The following MAGI2 variants were observed in gnomAD, a reference collection of about 807,000 sequenced individuals.
MAGI2 encodes the protein membrane-associated guanylate kinase, WW and PDZ domain-containing protein 2.
A neutral mutation model predicts 133.3 loss-of-function variants in MAGI2; 35 were observed. That is an observed-to-expected ratio of 0.26 (90% CI 0.20 to 0.35). MAGI2 has a LOEUF of 0.35. Among genes scored for constraint, MAGI2 ranks in the 10% least tolerant of loss-of-function variants. The pLI is 1.00. For synonymous variants in MAGI2, 729 were observed against 710.6 expected (o/e 1.03, Z -0.41); for missense variants, 1,636 against 1,863.4 (o/e 0.88, Z 2.25).
intron 3 of MAGI2, among the ~76,000 whole-genome samples, chr7:78,573,321 A>AATATATATATATAAAT (rs1233957871): frequency 1.9e-5 from 1 of 51,428 alleles, no homozygotes; most frequent in Non-Finnish European, 3.2e-5. Context: ...TAAATATATA[A>AATATATATATATAAAT]ATATATATAT....
chr7:78,804,058 T>G (rs1343547581), intron 2 of MAGI2, among the ~76,000 whole-genome samples: 1 of 152,244 alleles, frequency 6.6e-6, no homozygotes, highest in Non-Finnish European at 1.5e-5. Context: ...ATTGCATTTC[T>G]CACTGCATTC....
intron 2 of MAGI2, among the ~76,000 whole-genome samples, chr7:78,781,549 T>C (rs545528341): frequency 6.6e-6 from 1 of 152,172 alleles, no homozygotes; most frequent in South Asian, 2.1e-4. Flanking sequence ...ATCTATGCTA[T>C]TGAGGGAGAA....
chr7:79,244,329 C>T (rs111711388), intron 1 of MAGI2, among the ~76,000 whole-genome samples: 5,604 of 152,228 alleles, frequency 0.037, 164 homozygotes, highest in African/African-American at 0.072. Context: ...GGTTTTTAAC[C>T]TCATATCACT....
chr7:78,040,772 T>C (rs753425619), intron 21 of MAGI2, among the ~76,000 whole-genome samples: 10 of 152,176 alleles, frequency 6.6e-5, no homozygotes, highest in Non-Finnish European at 1.5e-4. Flanking sequence ...CATCATTCTC[T>C]ATTCATTACG....
At chr7:78,440,314 G>A (rs1787487610) in intron 6 of MAGI2, among the ~76,000 whole-genome samples, 1 of 152,098 alleles carries the variant, frequency 6.6e-6, no homozygotes, top group Non-Finnish European at 1.5e-5. Flanking sequence ...AGTGAATAGA[G>A]GTCATATGGC....
chr7:78,969,477 G>A (rs894804738), intron 2 of MAGI2, among the ~76,000 whole-genome samples: 1 of 152,034 alleles, frequency 6.6e-6, no homozygotes, highest in Non-Finnish European at 1.5e-5. Context: ...ATCTTGGCGA[G>A]AGACAACGAA....
chr7:78,609,632 CCTT>C lies in MAGI2; in HGVS notation c.538+17485_538+17487del, dbSNP rs1175765980. Reference sequence around the variant, plus strand: ...TGGTCATAGCTGTTATTGATGACTACCTTCTTCTACTACCCACCCAAACCTTCA... The same window carrying C: ...TGGTCATAGCTGTTATTGATGACTACCTTCTACTACCCACCCAAACCTTCA... On this transcript the variant is annotated intron_variant, in intron 3 of 21. Coordinates refer to ENST00000354212, the MANE Select transcript of MAGI2 (RefSeq NM_012301.4). Among the ~76,000 whole-genome samples the C allele has an allele frequency of 6.6e-5, 10 of 152,252 alleles. No individual in the cohort carries two copies. In the South Asian group the frequency reaches 1.9e-3, roughly 28 times the overall value.
chr7:78,458,148 T>C (rs1789525823), intron 6 of MAGI2, among the ~76,000 whole-genome samples: 1 of 151,704 alleles, frequency 6.6e-6, no homozygotes, highest in Non-Finnish European at 1.5e-5. Flanking sequence ...ATACAGTAAT[T>C]AGCTGCGCGT....
chr7:79,176,794 CTG>C (rs1334965336), intron 1 of MAGI2, among the ~76,000 whole-genome samples: 1 of 151,912 alleles, frequency 6.6e-6, no homozygotes, highest in African/African-American at 2.4e-5. Flanking sequence ...AAAAAAATCA[CTG>C]TTGTATCAAG....
chr7:79,252,391 AAC>A (rs1833374495), intron 1 of MAGI2, among the ~76,000 whole-genome samples: 2 of 152,142 alleles, frequency 1.3e-5, no homozygotes, highest in Admixed American at 1.3e-4. Context: ...TAAAAATTAA[AAC>A]AATTGAACTC....
chr7:78,965,187 A>C (rs986481838), intron 2 of MAGI2, among the ~76,000 whole-genome samples: 2 of 151,550 alleles, frequency 1.3e-5, no homozygotes, highest in African/African-American at 4.8e-5. Flanking sequence ...TAATTAATAT[A>C]AATCTAATTA....
chr7:78,674,723 A>T (rs1438176816), intron 2 of MAGI2, among the ~76,000 whole-genome samples: 1 of 152,134 alleles, frequency 6.6e-6, no homozygotes, highest in African/African-American at 2.4e-5. Context: ...CAGGAAAGAG[A>T]TTATATGCAA....
chr7:79,039,399 A>G (rs1811412208), intron 1 of MAGI2, among the ~76,000 whole-genome samples: 1 of 152,190 alleles, frequency 6.6e-6, no homozygotes, highest in Admixed American at 6.6e-5. Flanking sequence ...ATAGGCTAAT[A>G]TAATGTGTCA....
chr7:78,757,462 T>C (rs1306500217), intron 2 of MAGI2, among the ~76,000 whole-genome samples: 1 of 152,186 alleles, frequency 6.6e-6, no homozygotes, highest in Non-Finnish European at 1.5e-5. Flanking sequence ...ATTTCTCAAA[T>C]ATTTCTTCTT....
chr7:78,257,620 T>G (rs200015594), intron 9 of MAGI2, among the ~76,000 whole-genome samples: 1 of 152,204 alleles, frequency 6.6e-6, no homozygotes, highest in Admixed American at 6.5e-5. Context: ...ATCATGGCTG[T>G]TTGAGATAAA....
chr7:78,103,404 C>G (rs1405530516), intron 20 of MAGI2, among the ~76,000 whole-genome samples: 1 of 152,174 alleles, frequency 6.6e-6, no homozygotes, highest in Non-Finnish European at 1.5e-5. Context: ...GTCATTTTAT[C>G]ATAATTAATG....
In MAGI2 at chr7:78,805,264, A is replaced by G. The variant is rs1412551096; in HGVS notation, c.419-178025T>C. On this transcript the variant is annotated intron_variant, in intron 2 of 21. Transcript: ENST00000354212. The stretch of plus-strand genomic sequence containing the variant: ...ACTTTTTGAAGGAAGAGTAAAAAAA[A>G]AAAAAACCCACAAAACAATTGACAG... Among the ~76,000 whole-genome samples, 2 of 151,184 alleles carry G rather than the reference A, an allele frequency of 1.3e-5. 1 individual carries two copies. The highest frequency in any genetic ancestry group is 4.1e-4 in the South Asian group (2 of 4,822).
chr7:78,093,408 C>A (rs1480503410), intron 20 of MAGI2, among the ~76,000 whole-genome samples: 1 of 151,374 alleles, frequency 6.6e-6, no homozygotes, highest in Non-Finnish European at 1.5e-5. Flanking sequence ...GATCCGAGAT[C>A]GTGCCACTGC....
intron 3 of MAGI2, among the ~76,000 whole-genome samples, chr7:78,585,646 G>A (rs1803322129): frequency 6.6e-6 from 1 of 152,170 alleles, no homozygotes; most frequent in South Asian, 2.1e-4. Flanking sequence ...AAACAGCAAA[G>A]GCAATGGCAG....
Sources: gnomAD v4.1 joint callset for allele counts (sites outside exome capture counted in the v4.1 genomes callset) on GRCh38, gnomAD v4.1.1 for gene constraint, MANE v1.5 for transcripts, NCBI Gene and HGNC (gene_info 2026-07-23, HGNC 2026-07-21) for gene names.